CCL22: variants seen among roughly 807,000 people sequenced by gnomAD.
CCL22 encodes C-C motif chemokine ligand 22, also known as C-C motif chemokine 22.
CCL22 carries 7 observed loss-of-function variants against 7.6 expected under a neutral mutation model. The ratio of observed to expected loss-of-function variants is 0.92; its 90% CI spans 0.52 to 1.72. CCL22 has a LOEUF of 1.72. Among genes scored for constraint, CCL22 ranks in the 40% most tolerant of loss-of-function variants. The pLI is 0.00. For synonymous variants in CCL22, 55 were observed against 47.2 expected (o/e 1.17, Z -0.68); for missense variants, 115 against 124.7 (o/e 0.92, Z 0.37).
At chr16:57,359,507 G>C (rs935050398) in intron 1 of CCL22, among the ~76,000 whole-genome samples, 28 of 151,604 alleles carry the variant, frequency 1.8e-4, no homozygotes, top group Non-Finnish European at 3.2e-4. Flanking sequence ...GTGGAGACAG[G>C]GTTTCACCAT....
chr16:57,360,681 T>A, intron 2 of CCL22, 121 bp downstream of exon 2: 2 of 1,203,486 alleles, frequency 1.7e-6, no homozygotes, highest in Non-Finnish European at 1.2e-6. Context: ...GGCTACCAGA[T>A]GCCTGCCAGG....
rs1185888992 is a variant in CCL22, at chr16:57,363,528, G to A, written c.222G>A (p.Glu74=). Residue 74 remains glutamate, a synonymous_variant, in exon 3 of 3, where the codon GAG becomes GAA. Coordinates refer to ENST00000219235, the MANE Select transcript of CCL22 (RefSeq NM_002990.5). ...GGTTGCTAACCTTCAGGGATAAGGA[G>A]ATCTGTGCCGATCCCAGAGTGCCCT... ...GVVLLTFRDK[E]ICADPRVPWV... 1.2e-6 allele frequency: 2 copies of A among 1,613,536 alleles called. No homozygotes were observed. Among genetic ancestry groups the A allele is most frequent in the Non-Finnish European group, 1.7e-6 (2 of 1,179,542 alleles).
In CCL22 at chr16:57,364,793, A is replaced by ACCCC. The variant is rs373811356; in HGVS notation, c.*1212_*1215dup. On this transcript the variant is annotated 3_prime_UTR_variant, in exon 3 of 3. Coordinates refer to ENST00000219235, the MANE Select transcript of CCL22 (RefSeq NM_002990.5). The stretch of plus-strand genomic sequence containing the variant: ...AGTGCCTGGCCTCTTCCCTCTCCCC[A>ACCCC]CCCCCCCCCCAACTTTTTTTTTTTT... 29 of 33,574 alleles carry ACCCC rather than the reference A, an allele frequency of 8.6e-4. No homozygotes were observed. The highest frequency in any genetic ancestry group is 1.1e-3 in the African/African-American group (12 of 11,358). The allele number at this position is 33,574 out of a possible 1,614,324, so 2.1% of individuals were successfully genotyped here.
At position 57,358,830 on chromosome 16, in the gene CCL22, A is replaced by G. The variant is rs1224929072; in HGVS notation, c.14A>G (p.Gln5Arg). MDRL[Q>R]TALLVVLVLL... ...ACAGGACAGAGCATGGATCGCCTAC[A>G]GACTGCACTCCTGGTTGTCCTCGTC... Residue 5 changes from glutamine (Q) to arginine (R), a missense_variant, in exon 1 of 3, where the codon CAG (glutamine) becomes CGG (arginine). Physicochemically the swap from Gln to Arg is conservative, Grantham distance 43. Coordinates refer to ENST00000219235, the MANE Select transcript of CCL22 (RefSeq NM_002990.5). 6.2e-7 allele frequency: 1 copy of G among 1,613,768 alleles called. No individual in the cohort carries two copies. Among genetic ancestry groups the G allele is most frequent in the Non-Finnish European group, 8.5e-7 (1 of 1,179,716 alleles).
Position 57,366,124 on chromosome 16 carries a change from TCTC to T in CCL22, c.*2539_*2541del, listed in dbSNP as rs1902108728. 1 of 152,380 alleles carries T rather than the reference TCTC, an allele frequency of 6.6e-6. No individual in the cohort carries two copies. The highest frequency in any genetic ancestry group is 2.1e-4 in the South Asian group (1 of 4,834). 9.4% of individuals were successfully genotyped at this position (152,380 alleles called of 1,614,324 possible). On this transcript the variant is annotated 3_prime_UTR_variant, in exon 3 of 3. Coordinates refer to ENST00000219235, the MANE Select transcript of CCL22 (RefSeq NM_002990.5). ...AACGGGGCCCTCAAGCGTCCTGGGA[TCTC>T]CTTCTCCCTCCTGTCCTGTCCTTGC...
chr16:57,362,829 C>T (rs1902063978), intron 2 of CCL22, among the ~76,000 whole-genome samples: 1 of 151,900 alleles, frequency 6.6e-6, no homozygotes, highest in South Asian at 2.1e-4. Flanking sequence ...CCACTACACT[C>T]CAGCCTGGGT....
In CCL22 at chr16:57,360,447, C is replaced by T. The variant is rs749080972; in HGVS notation, c.84C>T (p.Gly28=). Residue 28 remains glycine, a synonymous_variant, in exon 2 of 3, where the codon GGC becomes GGT. Transcript: ENST00000219235. ...ALQATEAGPY[G]ANMEDSVCCR... ...GGACCCCTCCCCTAGGCCCCTACGG[C>T]GCCAACATGGAAGACAGCGTCTGCT... The T allele has an allele frequency of 2.0e-5, 33 of 1,614,200 alleles. No homozygotes were observed. The East Asian group carries it at 2.2e-4, about 11-fold the overall frequency.
chr16:57,360,916 G>A (rs1366767871), intron 2 of CCL22, among the ~76,000 whole-genome samples: 1 of 152,056 alleles, frequency 6.6e-6, no homozygotes, highest in African/African-American at 2.4e-5. Flanking sequence ...AGGTATAGGA[G>A]TATACCTAGT....
chr16:57,360,483 C>T lies in CCL22; in HGVS notation c.120C>T (p.Tyr40=), dbSNP rs1416745763. Residue 40 remains tyrosine, a synonymous_variant, in exon 2 of 3, where the codon TAC becomes TAT. Coordinates refer to ENST00000219235, the MANE Select transcript of CCL22 (RefSeq NM_002990.5). ...NMEDSVCCRD[Y]VRYRLPLRVV... ...AAGACAGCGTCTGCTGCCGTGATTA[C>T]GTCCGTTACCGTCTGCCCCTGCGCG... 7.4e-6 allele frequency: 12 copies of T among 1,614,102 alleles called. No homozygotes were observed. Among genetic ancestry groups the T allele is most frequent in the Admixed American group, 5.0e-5 (3 of 60,008 alleles).
At chr16:57,360,125 G>C (rs117630171) in intron 1 of CCL22, among the ~76,000 whole-genome samples, 2,418 of 152,276 alleles carry the variant, frequency 0.016, 19 homozygotes, top group Non-Finnish European at 0.024. Flanking sequence ...CTCTGAAGCT[G>C]GTACTGTTAT....
At position 57,365,030 on chromosome 16, in the gene CCL22, G is replaced by A. The variant is rs535448121; in HGVS notation, c.*1442G>A. ...TTGGCCAGGCTGGTCTTGAACTCCT[G>A]ACCTCAAGTGATCCACCTTCCTTGT... On this transcript the variant is annotated 3_prime_UTR_variant, in exon 3 of 3. Coordinates refer to ENST00000219235, the MANE Select transcript of CCL22 (RefSeq NM_002990.5). 1 of 152,198 alleles carries A rather than the reference G, an allele frequency of 6.6e-6. No individual in the cohort carries two copies. Among genetic ancestry groups the A allele is most frequent in the East Asian group, 1.9e-4 (1 of 5,180 alleles). The allele number at this position is 152,198 out of a possible 1,614,324, so 9.4% of individuals were successfully genotyped here.
chr16:57,360,523 T>A lies in CCL22; in HGVS notation c.160T>A (p.Tyr54Asn), dbSNP rs1211091375. 8.1e-6 allele frequency: 13 copies of A among 1,614,090 alleles called. No homozygotes were observed. The highest frequency in any genetic ancestry group is 1.1e-5 in the Non-Finnish European group (13 of 1,180,042). The change falls in exon 2 of 3, where the codon TAC (tyrosine) becomes AAC (asparagine). Residue 54 changes from tyrosine (Y) to asparagine (N), a missense_variant. By Grantham distance (143) the Tyr-to-Asn change is moderately radical. Coordinates refer to ENST00000219235, the MANE Select transcript of CCL22 (RefSeq NM_002990.5). ...RLPLRVVKHF[Y>N]WTSDSCPRPG... ...GCCCCTGCGCGTGGTGAAACACTTC[T>A]ACTGGACCTCAGACTCCTGCCCGAG...
At chr16:57,358,604 C>G (rs1372309329), upstream of CCL22, among the ~76,000 whole-genome samples, 2 of 151,416 alleles carry the variant, frequency 1.3e-5, no homozygotes, top group African/African-American at 4.8e-5. Flanking sequence ...GAGGGGGGGT[C>G]CCCTCTGAGT....
At chr16:57,363,416 T>C (rs1381356942) in intron 2 of CCL22, 88 bp from the exon 3 acceptor site, 3 of 765,420 alleles carry the variant, frequency 3.9e-6, no homozygotes, top group African/African-American at 3.5e-5. Context: ...ATAAAGTAGG[T>C]GGCTCATAAA....
chr16:57,363,414 G>A, intron 2 of CCL22, 90 bp from the exon 3 acceptor site: 1 of 758,674 alleles, frequency 1.3e-6, no homozygotes, highest in Non-Finnish European at 2.3e-6. Flanking sequence ...GCATAAAGTA[G>A]GTGGCTCATA....
intron 2 of CCL22, among the ~76,000 whole-genome samples, chr16:57,362,499 T>G (rs1237734415): frequency 6.6e-6 from 1 of 152,100 alleles, no homozygotes; most frequent in African/African-American, 2.4e-5. Flanking sequence ...CACTGGATTT[T>G]GAGCCAGAAG....
At chr16:57,360,620 G>A in intron 2 of CCL22, 60 bp downstream of exon 2, 1 of 1,603,752 alleles carries the variant, frequency 6.2e-7, no homozygotes. Flanking sequence ...GCCTGGGATG[G>A]CCCAGGTGCT....
chr16:57,360,546 G>C lies in CCL22; in HGVS notation c.183G>C (p.Pro61=), dbSNP rs141454356. The C allele has an allele frequency of 6.2e-7, 1 of 1,614,146 alleles. No individual in the cohort carries two copies. Among genetic ancestry groups the C allele is most frequent in the South Asian group, 1.1e-5 (1 of 91,082 alleles). ...KHFYWTSDSC[P]RPGVVLLTFR... is the part of the protein sequence containing the mutation. Reference sequence around the variant, plus strand: ...TCTACTGGACCTCAGACTCCTGCCCGAGGCCTGGCGTGGTGTGAGTAGGGA... The same window carrying C: ...TCTACTGGACCTCAGACTCCTGCCCCAGGCCTGGCGTGGTGTGAGTAGGGA... The change falls in exon 2 of 3, where the codon CCG becomes CCC. Residue 61 remains proline, a synonymous_variant. Coordinates refer to ENST00000219235, the MANE Select transcript of CCL22 (RefSeq NM_002990.5).
intron 1 of CCL22, among the ~76,000 whole-genome samples, chr16:57,359,193 C>T (rs964791100): frequency 6.6e-6 from 1 of 152,098 alleles, no homozygotes; most frequent in South Asian, 2.1e-4. Context: ...GGGTGAGGAG[C>T]TTCTAAGGGT....
Sources: allele counts gnomAD v4.1 joint callset (sites outside exome capture counted in the v4.1 genomes callset), GRCh38; gene constraint gnomAD v4.1.1; transcripts MANE v1.5; gene names NCBI Gene and HGNC (gene_info 2026-07-23, HGNC 2026-07-21).